Variants in PREX1 observed in about 807,000 individuals in gnomAD.
PREX1 encodes phosphatidylinositol-3,4,5-trisphosphate dependent Rac exchange factor 1, also known as phosphatidylinositol 3,4,5-trisphosphate-dependent Rac exchanger 1 protein.
In PREX1, 41 loss-of-function variants were observed where a neutral mutation model predicts 198.3. That is an observed-to-expected ratio of 0.21 (90% CI 0.16 to 0.27). The LOEUF (loss-of-function observed/expected upper bound fraction) is 0.27, where lower values mean the gene tolerates loss of function less well. Ranked by LOEUF, PREX1 falls within the 10% of genes least tolerant of loss-of-function variation. PREX1 has a pLI of 1.00. For missense variants in PREX1, 1,620 were observed against 2,200.7 expected, an observed-to-expected ratio of 0.74 and a Z score of 5.28; for synonymous variants, 843 against 887.2, an observed-to-expected ratio of 0.95 and a Z score of 0.89.
At chr20:48,669,904 C>T (rs1318448293) in intron 14 of PREX1, among the ~76,000 whole-genome samples, 1 of 151,978 alleles carries the variant, frequency 6.6e-6, no homozygotes. Flanking sequence ...TACACAGGAC[C>T]CCAGACAGCC....
At chr20:48,681,202 C>T (rs1412681047) in intron 11 of PREX1, 33 bp downstream of exon 11, 2 of 1,588,458 alleles carry the variant, frequency 1.3e-6, no homozygotes, top group Admixed American at 3.3e-5. Flanking sequence ...TGTTCCCACC[C>T]CTTGGCCCAG....
At chr20:48,877,621 G>A in the PREX1 span, among the ~76,000 whole-genome samples, 2 of 152,194 alleles carry the variant, frequency 1.3e-5, no homozygotes, top group Non-Finnish European at 2.9e-5. Flanking sequence ...TGATTGGCCT[G>A]GTGTAGGCCC....
chr20:48,866,239 T>A, the PREX1 span, among the ~76,000 whole-genome samples: 2 of 152,216 alleles, frequency 1.3e-5, no homozygotes, highest in African/African-American at 4.8e-5. Context: ...GTTTTAATGT[T>A]TTTTAAAAAA....
chr20:48,774,117 G>C (rs1358479335), intron 1 of PREX1, among the ~76,000 whole-genome samples: 5 of 152,208 alleles, frequency 3.3e-5, no homozygotes, highest in Non-Finnish European at 7.3e-5. Flanking sequence ...ACTGTGGTTT[G>C]GGGGGCGGGT....
chr20:48,880,981 T>TAAAAAAAAAAAACAAAAAAAA, the PREX1 span, among the ~76,000 whole-genome samples: 1 of 20,968 alleles, frequency 4.8e-5, no homozygotes, highest in Non-Finnish European at 7.6e-5. Flanking sequence ...AAACCATTGC[T>TAAAAAAAAAAAACAAAAAAAA]AAAAAAAAAA....
In PREX1 at chr20:48,816,009, C is replaced by CA. The variant is rs1161925169; in HGVS notation, c.219+11632dup. 2.8e-3 allele frequency among the ~76,000 whole-genome samples: 176 copies of CA among 63,716 alleles called. 1 individual carries two copies. Among genetic ancestry groups the CA allele is most frequent in the African/African-American group, 8.6e-3 (142 of 16,486 alleles). The allele number at this position is 63,716 out of a possible 152,430, so 41.8% of individuals were successfully genotyped here. On this transcript the variant is annotated intron_variant, in intron 1 of 39. Transcript: ENST00000371941. Reference sequence around the variant, plus strand: ...TTGGCAACAGAGTGAGACTCTGTCTCAAAAAAAAAAGAAAAAAAGGAAAAA... The same window carrying CA: ...TTGGCAACAGAGTGAGACTCTGTCTCAAAAAAAAAAAGAAAAAAAGGAAAAA...
At chr20:48,719,160 T>G (rs555591653) in intron 5 of PREX1, among the ~76,000 whole-genome samples, 1 of 151,938 alleles carries the variant, frequency 6.6e-6, no homozygotes, top group East Asian at 1.9e-4. Context: ...AGAAGTGGAG[T>G]TGGACTTCCG....
chr20:48,678,966 A>G (rs2089728288), intron 13 of PREX1, among the ~76,000 whole-genome samples: 2 of 152,242 alleles, frequency 1.3e-5, no homozygotes, highest in Non-Finnish European at 2.9e-5. Flanking sequence ...GGGAACGAAT[A>G]TGAAGGTATG....
intron 1 of PREX1, among the ~76,000 whole-genome samples, chr20:48,775,336 G>A (rs2090256246): frequency 6.6e-6 from 1 of 152,006 alleles, no homozygotes; most frequent in African/African-American, 2.4e-5. Flanking sequence ...AAGGAGACGG[G>A]TGCTTTTTTA....
chr20:48,774,348 A>G (rs1466284650), intron 1 of PREX1, among the ~76,000 whole-genome samples: 1 of 152,194 alleles, frequency 6.6e-6, no homozygotes, highest in African/African-American at 2.4e-5. Flanking sequence ...CACACGAGGG[A>G]GGGGTTGAAA....
rs138500849 is a variant in PREX1, at chr20:48,630,787, A to G, written c.4534T>C (p.Tyr1512His). 2 of 1,581,192 alleles carry G rather than the reference A, an allele frequency of 1.3e-6. No homozygotes were observed. The highest frequency in any genetic ancestry group is 1.7e-6 in the Non-Finnish European group (2 of 1,150,360). The change falls in exon 36 of 40, where the codon TAC (tyrosine) becomes CAC (histidine). Residue 1512 changes from tyrosine to histidine, a missense_variant. By Grantham distance (83) the Tyr-to-His change is moderately conservative. Transcript: ENST00000371941. ...QQYYRKLRAF[Y>H]LERSNLPTDA... is the part of the protein sequence containing the mutation. Reference sequence around the variant, plus strand: ...GTGGGCAGGTTAGACCGCTCCAGGTAAAATGCCCTGCGAGAGAAAGATGGG... The same window carrying G: ...GTGGGCAGGTTAGACCGCTCCAGGTGAAATGCCCTGCGAGAGAAAGATGGG...
chr20:48,803,866 C>T (rs557221689), intron 1 of PREX1, among the ~76,000 whole-genome samples: 1 of 152,186 alleles, frequency 6.6e-6, no homozygotes, highest in Non-Finnish European at 1.5e-5. Context: ...GTGCCTGAGG[C>T]CATTACTCCT....
intron 16 of PREX1, among the ~76,000 whole-genome samples, chr20:48,659,171 GGGAGGGGAGAGAGGGGAAT>G (rs1259812989): frequency 1.5e-5 from 2 of 133,266 alleles, no homozygotes; most frequent in Non-Finnish European, 3.3e-5. Flanking sequence ...GAAAGGGGAA[GGGAGGGGAGAGAGGGGAAT>G]GGAGGGGAGG....
At chr20:48,758,764 C>G (rs1363218483) in intron 1 of PREX1, among the ~76,000 whole-genome samples, 2 of 152,220 alleles carry the variant, frequency 1.3e-5, no homozygotes, top group East Asian at 3.8e-4. Flanking sequence ...GGGTCAACAG[C>G]TGGGGCAAAG....
intron 14 of PREX1, among the ~76,000 whole-genome samples, chr20:48,670,757 C>T (rs1688622727): frequency 6.6e-6 from 1 of 152,184 alleles, no homozygotes; most frequent in Non-Finnish European, 1.5e-5. Context: ...TGCTCAGACT[C>T]AATCAGCGAT....
At chr20:48,741,749 T>C (rs183733085) in intron 3 of PREX1, among the ~76,000 whole-genome samples, 122 of 152,300 alleles carry the variant, frequency 8.0e-4, no homozygotes, top group African/African-American at 2.8e-3. Context: ...ATGGAGGCCT[T>C]TGCGGAGAAG....
intron 23 of PREX1, 107 bp from the exon 24 acceptor site, chr20:48,650,313 T>C (rs1037000938): frequency 4.7e-6 from 5 of 1,071,804 alleles, no homozygotes; most frequent in Non-Finnish European, 6.8e-6. Flanking sequence ...TGCCCCACAG[T>C]TGGACAAAAT....
At position 48,645,960 on chromosome 20, in the gene PREX1, C is replaced by G; in HGVS notation, c.3403G>C (p.Glu1135Gln). The change falls in exon 26 of 40, where the codon GAG (glutamate) becomes CAG (glutamine). Residue 1135 changes from glutamate to glutamine, a missense_variant. Physicochemically the swap from Glu to Gln is conservative, Grantham distance 29. Transcript: ENST00000371941. ...SSLPLVSEESEMDRSDHGGIK... is the reference protein window; with the variant it reads ...SSLPLVSEESQMDRSDHGGIK... ...CCCCCATGGTCACTCCTGTCCATCTCGCTCTCTTCACTGACCAGGGGCAGG... is the reference window on the plus strand; with the variant it reads ...CCCCCATGGTCACTCCTGTCCATCTGGCTCTCTTCACTGACCAGGGGCAGG... 1 of 1,614,238 alleles carries G rather than the reference C, an allele frequency of 6.2e-7. No homozygotes were observed. Among genetic ancestry groups the G allele is most frequent in the Non-Finnish European group, 8.5e-7 (1 of 1,180,040 alleles).
chr20:48,855,056 C>T, the PREX1 span, among the ~76,000 whole-genome samples: 2 of 152,178 alleles, frequency 1.3e-5, no homozygotes, highest in African/African-American at 4.8e-5. Flanking sequence ...AAGTCCTCCA[C>T]ACAAGACCTT....
Sources: allele counts gnomAD v4.1 joint callset (sites outside exome capture counted in the v4.1 genomes callset), GRCh38; gene constraint gnomAD v4.1.1; transcripts MANE v1.5; gene names NCBI Gene and HGNC (gene_info 2026-07-23, HGNC 2026-07-21).